Variants in NRXN3 observed in about 807,000 individuals in gnomAD.
NRXN3 encodes neurexin III.
In NRXN3, 32 loss-of-function variants were observed where a neutral mutation model predicts 137.6. The ratio of observed to expected loss-of-function variants is 0.23; its 90% CI spans 0.18 to 0.31. The LOEUF (loss-of-function observed/expected upper bound fraction) is 0.31, where lower values mean the gene tolerates loss of function less well. Ranked by LOEUF, NRXN3 falls within the 10% of genes least tolerant of loss-of-function variation. The probability of loss-of-function intolerance (pLI) is 1.00; values close to 1 mark genes in which losing one functional copy is unlikely to be tolerated. For missense variants in NRXN3, 1,574 were observed against 2,062.5 expected, an observed-to-expected ratio of 0.76 and a Z score of 4.59; for synonymous variants, 798 against 784.5, an observed-to-expected ratio of 1.02 and a Z score of -0.29.
chr14:78,982,073 C>T (rs190951892), intron 14 of NRXN3, among the ~76,000 whole-genome samples: 117 of 151,998 alleles, frequency 7.7e-4, no homozygotes, highest in African/African-American at 2.3e-3. Context: ...AAAGGACACA[C>T]GGCCAATTAA....
chr14:78,313,651 G>T (rs903843240), intron 4 of NRXN3, among the ~76,000 whole-genome samples: 1 of 152,054 alleles, frequency 6.6e-6, no homozygotes, highest in Non-Finnish European at 1.5e-5. Flanking sequence ...TGACCCCAAA[G>T]CCTGAGGTGA....
At chr14:79,786,460 G>C (rs1246723770) in intron 19 of NRXN3, among the ~76,000 whole-genome samples, 3 of 152,200 alleles carry the variant, frequency 2.0e-5, no homozygotes, top group African/African-American at 7.2e-5. Flanking sequence ...TGTTTTATGT[G>C]TAAGCATTTA....
intron 8 of NRXN3, among the ~76,000 whole-genome samples, chr14:78,778,754 CTTTCTCTTTCTTTCTTTCTTTCTT>C (rs1567285737): frequency 8.6e-5 from 9 of 105,254 alleles, no homozygotes; most frequent in Non-Finnish European, 1.7e-4. Flanking sequence ...TTCTTTCCTT[CTTTCTCTTTCTTTCTTTCTTTCTT>C]TCTTTCTTTC....
chr14:78,385,146 A>G (rs141154653), intron 4 of NRXN3, among the ~76,000 whole-genome samples: 15 of 152,322 alleles, frequency 9.8e-5, no homozygotes, highest in Middle Eastern at 3.4e-3. Context: ...CATACTTTAT[A>G]TATGTCATGT....
At chr14:79,266,372 C>T (rs1047491978) in intron 15 of NRXN3, among the ~76,000 whole-genome samples, 6 of 151,502 alleles carry the variant, frequency 4.0e-5, no homozygotes, top group Non-Finnish European at 7.4e-5. Flanking sequence ...TATATATAAC[C>T]TTTAGAGCCA....
intron 15 of NRXN3, among the ~76,000 whole-genome samples, chr14:79,457,503 A>G (rs1250510833): frequency 1.3e-5 from 2 of 152,234 alleles, no homozygotes; most frequent in Non-Finnish European, 2.9e-5. Flanking sequence ...GAACAGAAGC[A>G]TGGACTTTAA....
At chr14:78,679,424 T>G (rs985843680) in intron 6 of NRXN3, among the ~76,000 whole-genome samples, 1 of 152,234 alleles carries the variant, frequency 6.6e-6, no homozygotes, top group Non-Finnish European at 1.5e-5. Flanking sequence ...TTTATTTTTG[T>G]TGTTATATGA....
At chr14:79,002,043 A>G (rs1318489170) in intron 15 of NRXN3, among the ~76,000 whole-genome samples, 4 of 152,198 alleles carry the variant, frequency 2.6e-5, no homozygotes, top group South Asian at 4.2e-4. Context: ...TAGAGAATCA[A>G]CTTTCCTACT....
intron 4 of NRXN3, among the ~76,000 whole-genome samples, chr14:78,513,177 C>G (rs1021072442): frequency 6.6e-6 from 1 of 152,202 alleles, no homozygotes; most frequent in Admixed American, 6.5e-5. Context: ...CCAATTCTAC[C>G]TCTGCCAGAT....
intron 15 of NRXN3, among the ~76,000 whole-genome samples, chr14:79,257,804 G>C (rs2077001982): frequency 6.6e-6 from 1 of 151,872 alleles, no homozygotes; most frequent in Non-Finnish European, 1.5e-5. Flanking sequence ...TATAAAGCAA[G>C]AAGAATGTCC....
chr14:79,379,059 T>A (rs1255349140), intron 15 of NRXN3, among the ~76,000 whole-genome samples: 1 of 152,152 alleles, frequency 6.6e-6, no homozygotes, highest in Non-Finnish European at 1.5e-5. Context: ...CTTTCTCAAT[T>A]TTCAGCCACT....
intron 4 of NRXN3, among the ~76,000 whole-genome samples, chr14:78,393,595 G>T (rs1389389361): frequency 6.6e-6 from 1 of 151,870 alleles, no homozygotes; most frequent in Non-Finnish European, 1.5e-5. Context: ...AGGTATTCTA[G>T]TTTCTTTTAA....
chr14:78,243,229 A>G lies in NRXN3; in HGVS notation c.136A>G (p.Ser46Gly). The change falls in exon 2 of 21, where the codon AGC becomes GGC. Residue 46 changes from serine (S) to glycine (G), a missense_variant. Ser to Gly is a moderately conservative substitution (Grantham distance 56, BLOSUM62 0). Coordinates refer to ENST00000335750, the MANE Select transcript of NRXN3 (RefSeq NM_001330195.2). The surrounding 1 kb of genome is among the most constrained non-coding windows in gnomAD (Gnocchi z 4.2). ...QWARYLRWDA[S>G]TRSDLSFQFK... ...GGCCCGCTACCTCCGCTGGGATGCC[A>G]GCACACGCAGTGACCTGAGTTTCCA... is the stretch of plus-strand genomic sequence containing the variant. The G allele has an allele frequency of 6.4e-7, 1 of 1,551,470 alleles. No individual in the cohort carries two copies. Among genetic ancestry groups the G allele is most frequent in the Non-Finnish European group, 8.7e-7 (1 of 1,155,972 alleles).
chr14:79,615,787 G>C (rs1047565846), intron 16 of NRXN3, among the ~76,000 whole-genome samples: 1 of 152,222 alleles, frequency 6.6e-6, no homozygotes, highest in African/African-American at 2.4e-5. Flanking sequence ...ACATCCCACT[G>C]GTTCCCTCCT....
At chr14:79,008,549 T>C (rs1476419362) in intron 15 of NRXN3, among the ~76,000 whole-genome samples, 1 of 147,516 alleles carries the variant, frequency 6.8e-6, no homozygotes, top group South Asian at 2.1e-4. Context: ...GTAAGTTTCC[T>C]CCTACTCTCT....
chr14:79,149,071 T>C (rs2059564292), intron 15 of NRXN3, among the ~76,000 whole-genome samples: 1 of 152,102 alleles, frequency 6.6e-6, no homozygotes, highest in Non-Finnish European at 1.5e-5. Flanking sequence ...CTCACATGAG[T>C]ATTTTATGCA....
chr14:78,784,817 C>A (rs887275025), intron 8 of NRXN3, among the ~76,000 whole-genome samples: 3 of 152,006 alleles, frequency 2.0e-5, no homozygotes, highest in African/African-American at 7.2e-5. Flanking sequence ...AGTCAATGAG[C>A]CTTGCGTGTT....
chr14:79,105,215 C>G (rs759529665), intron 15 of NRXN3, among the ~76,000 whole-genome samples: 1 of 152,074 alleles, frequency 6.6e-6, no homozygotes, highest in Non-Finnish European at 1.5e-5. Flanking sequence ...AATCCACAGA[C>G]AGATCAATAG....
chr14:78,854,011 C>A (rs1003788223), intron 10 of NRXN3, among the ~76,000 whole-genome samples: 1 of 152,206 alleles, frequency 6.6e-6, no homozygotes, highest in African/African-American at 2.4e-5. Flanking sequence ...CCGTAGATTC[C>A]TTTTGATGCC....
Sources: allele counts gnomAD v4.1 joint callset (sites outside exome capture counted in the v4.1 genomes callset), GRCh38; gene constraint gnomAD v4.1.1; non-coding constraint Gnocchi (gnomAD v3.1); transcripts MANE v1.5; gene names NCBI Gene and HGNC (gene_info 2026-07-23, HGNC 2026-07-21).